Variants in TECRL observed in about 807,000 individuals in gnomAD.
The protein encoded by TECRL is trans-2,3-enoyl-CoA reductase-like.
Under a neutral mutation model 52.8 loss-of-function variants are expected in TECRL, and 63 were observed. That is an observed-to-expected ratio of 1.19 (90% CI 0.97 to 1.47). The LOEUF (loss-of-function observed/expected upper bound fraction) is 1.47. Ranked by LOEUF, TECRL falls within the 40% of genes most tolerant of loss-of-function variation. The probability of loss-of-function intolerance (pLI) is 0.00; values close to 1 mark genes in which losing one functional copy is unlikely to be tolerated. For missense variants in TECRL, 482 were observed against 429.6 expected (o/e 1.12, Z -1.08); for synonymous variants, 164 against 141.9 (o/e 1.16, Z -1.10).
intron 1 of TECRL, among the ~76,000 whole-genome samples, chr4:64,403,536 A>T (rs1724505785): frequency 6.6e-6 from 1 of 151,458 alleles, no homozygotes; most frequent in African/African-American, 2.4e-5. Flanking sequence ...CCTCAGGCAT[A>T]TCTCCCTGTT....
intron 1 of TECRL, among the ~76,000 whole-genome samples, chr4:64,379,254 AC>A (rs1722614175): frequency 2.6e-5 from 1 of 38,216 alleles, no homozygotes; most frequent in South Asian, 4.7e-4. Flanking sequence ...ACATACACAC[AC>A]ACACACACAC....
Position 64,329,961 on chromosome 4 carries a change from TTTTATTGTACTA to T in TECRL, c.287-1417_287-1406del, listed in dbSNP as rs1398123920. On this transcript the variant is annotated intron_variant, in intron 2 of 11. Coordinates refer to ENST00000381210, the MANE Select transcript of TECRL (RefSeq NM_001010874.5). ...GAAAACTGAGGGTTCTACTTTACTA[TTTTATTGTACTA>T]TTTACTGTACTATTTACTGTACAGT... Among the ~76,000 whole-genome samples the T allele has an allele frequency of 3.3e-3, 496 of 151,838 alleles. 2 individuals carry two copies. Among genetic ancestry groups the T allele is most frequent in the African/African-American group, 0.011 (447 of 41,512 alleles).
chr4:64,358,480 A>C (rs6846770), intron 2 of TECRL, among the ~76,000 whole-genome samples: 1 of 151,562 alleles, frequency 6.6e-6, no homozygotes. Flanking sequence ...TACATATAGA[A>C]ATATTTTGAT....
chr4:64,379,544 A>G (rs577198174), intron 1 of TECRL, among the ~76,000 whole-genome samples: 101 of 152,222 alleles, frequency 6.6e-4, no homozygotes, highest in African/African-American at 2.4e-3. Flanking sequence ...TGTTAATTAT[A>G]GTCACCCTAC....
intron 2 of TECRL, among the ~76,000 whole-genome samples, chr4:64,349,367 G>A (rs619494): frequency 0.28 from 42,347 of 151,712 alleles, 6,333 homozygotes; most frequent in African/African-American, 0.38. Flanking sequence ...TCCTGACTTC[G>A]TGATCTACCC....
chr4:64,406,963 A>G (rs962220947), intron 1 of TECRL, among the ~76,000 whole-genome samples: 3 of 151,814 alleles, frequency 2.0e-5, no homozygotes, highest in Non-Finnish European at 4.4e-5. Flanking sequence ...AATAATAAAT[A>G]AATCAGTCTT....
rs1718555350 is a variant in TECRL at position 64,330,371 on chromosome 4, A to G, written c.287-1815T>C. On this transcript the variant is annotated intron_variant, in intron 2 of 11. Transcript: ENST00000381210. ...AAGGATACTTAATGATTGACAGGAT[A>G]TATATGGTCATTGCACATGTGGAAA... Among the ~76,000 whole-genome samples, 6 of 152,270 alleles carry G rather than the reference A, an allele frequency of 3.9e-5. No homozygotes were observed. In the South Asian group the frequency reaches 1.2e-3, roughly 32 times the overall value.
chr4:64,293,804 T>G (rs1723526300), intron 8 of TECRL, among the ~76,000 whole-genome samples: 1 of 151,982 alleles, frequency 6.6e-6, no homozygotes, highest in Non-Finnish European at 1.5e-5. Context: ...TTTGTGTTAG[T>G]AAAATCCTTC....
At chr4:64,403,753 C>T (rs1265209188) in intron 1 of TECRL, among the ~76,000 whole-genome samples, 1 of 145,372 alleles carries the variant, frequency 6.9e-6, no homozygotes, top group African/African-American at 2.6e-5. Context: ...CATGAAACAC[C>T]ATAAGAAATA....
rs1212472400 is a variant in TECRL at position 64,396,368 on chromosome 4, T to G, written c.234+12750A>C. On this transcript the variant is annotated intron_variant, in intron 1 of 11. Coordinates refer to ENST00000381210, the MANE Select transcript of TECRL (RefSeq NM_001010874.5). ...ACTTTAATAGTAACCATTCTGACTA[T>G]TAATGTGTGATGGTTTCTCATTGTG... Among the ~76,000 whole-genome samples the G allele has an allele frequency of 2.0e-5, 3 of 152,180 alleles. No individual in the cohort carries two copies. The East Asian group carries it at 5.8e-4, about 29-fold the overall frequency.
rs1279629193 is a variant in TECRL, at chr4:64,278,081, T to G, written c.*1991A>C. The G allele has an allele frequency of 6.6e-6, 1 of 150,862 alleles. No homozygotes were observed. Among genetic ancestry groups the G allele is most frequent in the Non-Finnish European group, 1.5e-5 (1 of 67,528 alleles). The allele number at this position is 150,862 out of a possible 1,614,324, so 9.3% of individuals were successfully genotyped here. ...ATATATATGTGTATATATATACACA[T>G]ATACACACGTACACACATATTTTGA... is the stretch of plus-strand genomic sequence containing the variant. On this transcript the variant is annotated 3_prime_UTR_variant, in exon 12 of 12. Transcript: ENST00000381210.
At chr4:64,399,513 G>A (rs908453901) in intron 1 of TECRL, among the ~76,000 whole-genome samples, 2 of 152,056 alleles carry the variant, frequency 1.3e-5, no homozygotes, top group African/African-American at 4.8e-5. Flanking sequence ...AGGCCTGGAA[G>A]GCATCTCAAA....
chr4:64,298,827 T>A (rs948329319), intron 8 of TECRL: 2 of 151,208 alleles, frequency 1.3e-5, no homozygotes, highest in African/African-American at 4.8e-5. Flanking sequence ...TCCATGAATT[T>A]ATTCTTCTCT....
chr4:64,336,810 G>C (rs1446529853), intron 2 of TECRL, among the ~76,000 whole-genome samples: 4 of 152,144 alleles, frequency 2.6e-5, no homozygotes, highest in African/African-American at 7.2e-5. Flanking sequence ...CCATATAGTT[G>C]AGCAGTTTTG....
chr4:64,318,996 G>A (rs1717700556), intron 4 of TECRL, among the ~76,000 whole-genome samples: 1 of 151,732 alleles, frequency 6.6e-6, no homozygotes, highest in African/African-American at 2.4e-5. Context: ...GAGTCAGGAG[G>A]TGCTCAAATG....
downstream of TECRL, chr4:64,276,800 A>G: frequency 3.1e-6 from 1 of 320,542 alleles, no homozygotes; most frequent in East Asian, 4.7e-5. Flanking sequence ...ATTTACATAA[A>G]TCTTATATAT....
intron 8 of TECRL, 143 bp downstream of exon 8, chr4:64,299,831 T>G (rs1723904584): frequency 3.1e-6 from 1 of 320,672 alleles, no homozygotes; most frequent in East Asian, 5.5e-5. Flanking sequence ...GAAAGTTATA[T>G]GATTTACTTC....
At chr4:64,345,929 A>AAAAAAAAAAAAC (rs1560516756) in intron 2 of TECRL, among the ~76,000 whole-genome samples, 1 of 147,346 alleles carries the variant, frequency 6.8e-6, no homozygotes, top group East Asian at 2.0e-4. Flanking sequence ...AAAAAAAAAA[A>AAAAAAAAAAAAC]AACATTTATC....
At chr4:64,344,155 T>C (rs921207305) in intron 2 of TECRL, among the ~76,000 whole-genome samples, 2 of 150,684 alleles carry the variant, frequency 1.3e-5, no homozygotes, top group African/African-American at 4.9e-5. Flanking sequence ...AGGAAAAAAC[T>C]CATATATATA....
Sources: allele counts gnomAD v4.1 joint callset (sites outside exome capture counted in the v4.1 genomes callset), GRCh38; gene constraint gnomAD v4.1.1; transcripts MANE v1.5; gene names NCBI Gene and HGNC (gene_info 2026-07-23, HGNC 2026-07-21).